FAM220A: variants seen among roughly 807,000 people sequenced by gnomAD.
FAM220A encodes family with sequence similarity 220 member A.
For synonymous variants in FAM220A, 141 were observed against 130.7 expected (o/e 1.08, Z -0.54); for missense variants, 392 against 321.6 (o/e 1.22, Z -1.68).
chr7:6,346,927 T>TCC (rs1781961849), intron 1 of FAM220A, among the ~76,000 whole-genome samples: 2 of 152,242 alleles, frequency 1.3e-5, no homozygotes, highest in South Asian at 4.2e-4. Context: ...GGAGGGTCCC[T>TCC]CCTTCAGCAC....
At chr7:6,334,138 A>G (rs151040909) in intron 1 of FAM220A, among the ~76,000 whole-genome samples, 4,073 of 150,878 alleles carry the variant, frequency 0.027, 184 homozygotes, top group African/African-American at 0.09. Context: ...GAGCCACCGC[A>G]CCCAGCCGAA....
intron 1 of FAM220A, among the ~76,000 whole-genome samples, chr7:6,331,738 C>CTT (rs376255551): frequency 3.0e-4 from 35 of 117,734 alleles, no homozygotes; most frequent in Admixed American, 4.4e-4. Context: ...ATAATAGAGG[C>CTT]TTTTTTTTTT....
chr7:6,339,087 C>A (rs1781800982), intron 1 of FAM220A, among the ~76,000 whole-genome samples: 1 of 152,198 alleles, frequency 6.6e-6, no homozygotes, highest in Non-Finnish European at 1.5e-5. Context: ...GCAATGACCA[C>A]AGCACTTCTA....
chr7:6,330,609 C>A lies in FAM220A; in HGVS notation c.546G>T (p.Glu182Asp). 6.2e-7 allele frequency: 1 copy of A among 1,614,152 alleles called. No individual in the cohort carries two copies. The highest frequency in any genetic ancestry group is 8.5e-7 in the Non-Finnish European group (1 of 1,180,036). ...PSAFPKGLGS[E>D]LEPACLHSIL... Reference sequence around the variant, plus strand: ...TGGAGTGCAGGCAAGCGGGTTCCAACTCAGAGCCCAGACCCTTGGGAAAAG... The same window carrying A: ...TGGAGTGCAGGCAAGCGGGTTCCAAATCAGAGCCCAGACCCTTGGGAAAAG... The change falls in exon 2 of 2, where the codon GAG (glutamate) becomes GAT (aspartate). Residue 182 changes from glutamate (E) to aspartate (D), a missense_variant. Transcript: ENST00000313324.
chr7:6,336,350 AAAAAG>A (rs1431057070), intron 1 of FAM220A, among the ~76,000 whole-genome samples: 4 of 151,774 alleles, frequency 2.6e-5, no homozygotes, highest in Non-Finnish European at 4.4e-5. Flanking sequence ...CTGTGACTCA[AAAAAG>A]AAAAGAAAAA....
At chr7:6,345,422 T>C (rs939766773) in intron 1 of FAM220A, among the ~76,000 whole-genome samples, 12 of 152,130 alleles carry the variant, frequency 7.9e-5, no homozygotes, top group Non-Finnish European at 2.9e-5. Flanking sequence ...GCCCTCGATC[T>C]GATTTGTTTT....
chr7:6,342,744 A>G (rs1252276486), intron 1 of FAM220A, among the ~76,000 whole-genome samples: 1 of 152,122 alleles, frequency 6.6e-6, no homozygotes, highest in Non-Finnish European at 1.5e-5. Flanking sequence ...CAAAAACAAA[A>G]GACTAAGCAG....
intron 1 of FAM220A, among the ~76,000 whole-genome samples, chr7:6,333,894 TG>T (rs1781691735): frequency 6.9e-6 from 1 of 144,370 alleles, no homozygotes; most frequent in Non-Finnish European, 1.5e-5. Flanking sequence ...TTGCCCAGGC[TG>T]GAGTGCAGTG....
At chr7:6,337,267 G>A (rs766509068) in intron 1 of FAM220A, among the ~76,000 whole-genome samples, 3 of 151,962 alleles carry the variant, frequency 2.0e-5, no homozygotes, top group South Asian at 2.1e-4. Context: ...TCCCCTTTGG[G>A]ACTAGCCTTG....
intron 1 of FAM220A, among the ~76,000 whole-genome samples, chr7:6,345,122 G>A (rs1008320690): frequency 2.0e-5 from 3 of 149,412 alleles, no homozygotes; most frequent in Non-Finnish European, 3.0e-5. Flanking sequence ...TTTTCTTGTT[G>A]TTGTTTAATT....
intron 1 of FAM220A, among the ~76,000 whole-genome samples, chr7:6,339,581 T>C (rs552638400): frequency 4.2e-4 from 64 of 151,948 alleles, no homozygotes; most frequent in African/African-American, 1.5e-3. Context: ...CCTCCCAGGT[T>C]CACGCCATTC....
At chr7:6,348,487 A>G in intron 1 of FAM220A, 86 bp downstream of exon 1, 1 of 409,682 alleles carries the variant, frequency 2.4e-6, no homozygotes. Context: ...GCTTCTAGGC[A>G]GTGGCAGCTG....
At chr7:6,336,124 G>C (rs1200490895) in intron 1 of FAM220A, among the ~76,000 whole-genome samples, 1 of 148,596 alleles carries the variant, frequency 6.7e-6, no homozygotes, top group East Asian at 2.0e-4. Flanking sequence ...AGTAAGCCAA[G>C]ATAGCACCAC....
intron 1 of FAM220A, among the ~76,000 whole-genome samples, chr7:6,333,521 C>G (rs943878947): frequency 1.3e-5 from 2 of 152,064 alleles, no homozygotes; most frequent in African/African-American, 4.8e-5. Context: ...GTTTTTGAGA[C>G]GAGGTCTCAC....
chr7:6,334,783 A>G (rs971361447), intron 1 of FAM220A, among the ~76,000 whole-genome samples: 1 of 136,048 alleles, frequency 7.4e-6, no homozygotes, highest in Admixed American at 7.6e-5. Flanking sequence ...TTAGTTAGTT[A>G]TTTTGAAATG....
At chr7:6,337,213 A>C (rs141648142) in intron 1 of FAM220A, among the ~76,000 whole-genome samples, 2 of 152,216 alleles carry the variant, frequency 1.3e-5, no homozygotes, top group East Asian at 3.9e-4. Flanking sequence ...CTGAGACTAC[A>C]GGTGTATGCC....
Position 6,348,806 on chromosome 7 carries a change from G to T in FAM220A, c.-315C>A, listed in dbSNP as rs1782004911. On this transcript the variant is annotated 5_prime_UTR_variant, in exon 1 of 2. Coordinates refer to ENST00000313324, the MANE Select transcript of FAM220A (RefSeq NM_001037163.2). ...CCCCCCCGCCCGCCCTCTCCGCGCC[G>T]CGTCGCCCCGGCAGCTGACCCTCGC... 1 of 395,844 alleles carries T rather than the reference G, an allele frequency of 2.5e-6. No homozygotes were observed. 24.5% of individuals were successfully genotyped at this position (395,844 alleles called of 1,614,324 possible). A position where few individuals can be genotyped will look rare whatever the true frequency, so the allele number is the denominator to read the frequency against.
Position 6,330,540 on chromosome 7 carries a change from A to C in FAM220A, c.615T>G (p.Ser205Arg), listed in dbSNP as rs1454438546. The change falls in exon 2 of 2, where the codon AGT becomes AGG. Residue 205 changes from serine to arginine, a missense_variant. By Grantham distance (110) the Ser-to-Arg change is moderately radical. Coordinates refer to ENST00000313324, the MANE Select transcript of FAM220A (RefSeq NM_001037163.2). ...CAAGGAAAATGCGTTTTGTCTCCTC[A>C]CTCAGGAGCACTTCGGGATACACGT... ...TLHVYPEVLL[S>R]EETKRIFLDR... 6.2e-7 allele frequency: 1 copy of C among 1,613,790 alleles called. No homozygotes were observed. The highest frequency in any genetic ancestry group is 8.5e-7 in the Non-Finnish European group (1 of 1,179,830).
chr7:6,339,720 C>G (rs567552023), intron 1 of FAM220A, among the ~76,000 whole-genome samples: 4 of 152,112 alleles, frequency 2.6e-5, no homozygotes, highest in Non-Finnish European at 4.4e-5. Context: ...ATCCACCCAC[C>G]TCAGCCTCCC....
Sources: gnomAD v4.1 joint callset for allele counts (sites outside exome capture counted in the v4.1 genomes callset) on GRCh38, gnomAD v4.1.1 for gene constraint, MANE v1.5 for transcripts, NCBI Gene and HGNC (gene_info 2026-07-23, HGNC 2026-07-21) for gene names.